The following DISP1 variants were observed in gnomAD, a reference collection of about 807,000 sequenced individuals.
The protein encoded by DISP1 is dispatched RND transporter family member 1, also known as protein dispatched homolog 1.
In DISP1, 30 loss-of-function variants were observed where a neutral mutation model predicts 37.3. The ratio of observed to expected loss-of-function variants is 0.80; its 90% CI spans 0.60 to 1.09. The LOEUF is 1.09. Among genes scored for constraint, DISP1 ranks in the 50% least tolerant of loss-of-function variants. The probability of loss-of-function intolerance (pLI) is 0.00; values close to 1 mark genes in which losing one functional copy is unlikely to be tolerated. For missense variants in DISP1, 1,598 were observed against 1,879.5 expected, an observed-to-expected ratio of 0.85 and a Z score of 2.77; for synonymous variants, 634 against 690.2, an observed-to-expected ratio of 0.92 and a Z score of 1.28.
At chr1:222,874,866 T>G (rs1669869368) in intron 1 of DISP1, among the ~76,000 whole-genome samples, 2 of 152,196 alleles carry the variant, frequency 1.3e-5, no homozygotes. Flanking sequence ...TTTTCTCCTC[T>G]GTTTTTTCCC....
intron 3 of DISP1, among the ~76,000 whole-genome samples, chr1:222,953,492 G>A (rs1224150788): frequency 2.0e-5 from 3 of 152,068 alleles, no homozygotes; most frequent in Admixed American, 6.6e-5. Context: ...TTTGCCTTCC[G>A]GAGGAGGAAA....
chr1:222,866,448 A>G (rs146195096), intron 1 of DISP1, among the ~76,000 whole-genome samples: 5,788 of 151,960 alleles, frequency 0.038, 159 homozygotes, highest in Non-Finnish European at 0.058. Flanking sequence ...AGGTTCAAGT[A>G]GTTCTCCTGC....
intron 3 of DISP1, among the ~76,000 whole-genome samples, chr1:222,966,273 T>A (rs572823992): frequency 7.2e-5 from 11 of 152,268 alleles, no homozygotes; most frequent in African/African-American, 2.4e-4. Flanking sequence ...GTATGGATTT[T>A]AAAAATAATA....
intron 3 of DISP1, among the ~76,000 whole-genome samples, chr1:222,973,464 AT>A (rs1677096312): frequency 6.6e-6 from 1 of 152,150 alleles, no homozygotes; most frequent in African/African-American, 2.4e-5. Context: ...TTGTTTTAAA[AT>A]TCTTTCCATA....
intron 3 of DISP1, among the ~76,000 whole-genome samples, chr1:222,952,160 T>G (rs1675272064): frequency 6.6e-6 from 1 of 152,212 alleles, no homozygotes; most frequent in Non-Finnish European, 1.5e-5. Context: ...ATAGCTAAAC[T>G]GCATTCTTTA....
intron 1 of DISP1, among the ~76,000 whole-genome samples, chr1:222,899,326 A>G (rs1045396914): frequency 6.6e-6 from 1 of 152,232 alleles, no homozygotes; most frequent in African/African-American, 2.4e-5. Context: ...TGTTTTCAGT[A>G]TCTGCCTGAG....
chr1:222,975,316 G>A (rs894651473), intron 3 of DISP1, among the ~76,000 whole-genome samples: 9 of 152,062 alleles, frequency 5.9e-5, no homozygotes, highest in Non-Finnish European at 7.4e-5. Flanking sequence ...GTGAGTTACC[G>A]CACCCACCTG....
intron 3 of DISP1, 60 bp from the exon 4 acceptor site, chr1:222,983,020 G>A: frequency 7.9e-7 from 1 of 1,272,714 alleles, no homozygotes; most frequent in South Asian, 1.3e-5. Context: ...CTTTGTTTAT[G>A]TTATGATGTT....
At chr1:222,941,718 A>C (rs1309577638) in intron 2 of DISP1, among the ~76,000 whole-genome samples, 3 of 152,144 alleles carry the variant, frequency 2.0e-5, no homozygotes, top group Non-Finnish European at 4.4e-5. Context: ...ACTCAGACTG[A>C]AAAAGATGAT....
chr1:222,904,660 C>T (rs2125410556), intron 1 of DISP1, among the ~76,000 whole-genome samples: 1 of 151,622 alleles, frequency 6.6e-6, no homozygotes, highest in Admixed American at 6.6e-5. Flanking sequence ...CTCTGCCTGG[C>T]AGGTTCAAGC....
rs542611624 is a variant in DISP1 at position 222,888,974 on chromosome 1, T to G, written c.-158-39456T>G. Among the ~76,000 whole-genome samples, 13 of 152,238 alleles carry G rather than the reference T, an allele frequency of 8.5e-5. No homozygotes were observed. In the South Asian group the frequency reaches 2.7e-3, roughly 32 times the overall value. ...CATAGTGATGTTTCTATACATATAA[T>G]GTATAGTGATCAATCTGATTACTTG... On this transcript the variant is annotated intron_variant, in intron 1 of 8. Transcript: ENST00000675850.
At chr1:222,991,842 T>G (rs1678718055) in intron 6 of DISP1, among the ~76,000 whole-genome samples, 171 bp from the exon 7 acceptor site, 1 of 152,216 alleles carries the variant, frequency 6.6e-6, no homozygotes, top group Non-Finnish European at 1.5e-5. Context: ...TTCTTTTTTT[T>G]TTTCTTTTTT....
At chr1:222,954,819 G>A (rs1675475861) in intron 3 of DISP1, among the ~76,000 whole-genome samples, 1 of 151,778 alleles carries the variant, frequency 6.6e-6, no homozygotes, top group Admixed American at 6.6e-5. Context: ...GACCAGCTTG[G>A]GCAACATAGT....
intron 1 of DISP1, among the ~76,000 whole-genome samples, chr1:222,833,417 G>T (rs762455854): frequency 6.6e-6 from 1 of 152,088 alleles, no homozygotes; most frequent in Non-Finnish European, 1.5e-5. Context: ...CCCCACAACC[G>T]CCCTCTAGTA....
chr1:222,859,459 C>T (rs578088816), intron 1 of DISP1, among the ~76,000 whole-genome samples: 12 of 152,248 alleles, frequency 7.9e-5, no homozygotes, highest in East Asian at 3.9e-4. Context: ...AACAAACCTG[C>T]GCATCCTGTG....
At chr1:222,948,005 C>A (rs1459212686) in intron 3 of DISP1, among the ~76,000 whole-genome samples, 1 of 152,126 alleles carries the variant, frequency 6.6e-6, no homozygotes, top group South Asian at 2.1e-4. Context: ...ATCGGAGGGG[C>A]AAAGGGAGTA....
At chr1:222,825,830 T>A (rs1473028632) in intron 1 of DISP1, among the ~76,000 whole-genome samples, 2 of 152,098 alleles carry the variant, frequency 1.3e-5, no homozygotes, top group African/African-American at 4.8e-5. Context: ...TCTAATACAT[T>A]GTTAACCCAG....
In DISP1 at chr1:222,990,725, C is replaced by T; in HGVS notation, c.640C>T (p.Pro214Ser). 2 of 1,614,038 alleles carry T rather than the reference C, an allele frequency of 1.2e-6. No individual in the cohort carries two copies. Among genetic ancestry groups the T allele is most frequent in the Middle Eastern group, 1.7e-4 (1 of 6,054 alleles). ...GGTTGGAGTATTAGTGCCAGAGCTC[C>T]CTGACTTCTCTGATCCATTGCTGGT... ...ALVGVLVPEL[P>S]DFSDPLLGFE... The change falls in exon 5 of 9, where the codon CCT (proline) becomes TCT (serine). Residue 214 changes from proline to serine, a missense_variant. Pro to Ser is a moderately conservative substitution (Grantham distance 74). Coordinates refer to ENST00000675850, the MANE Select transcript of DISP1 (RefSeq NM_001377229.1).
chr1:222,837,735 T>C (rs1056487740), intron 1 of DISP1, among the ~76,000 whole-genome samples: 21 of 152,180 alleles, frequency 1.4e-4, no homozygotes, highest in Non-Finnish European at 2.6e-4. Flanking sequence ...ACCAAAAATA[T>C]AATTTATCTA....
Sources: allele counts gnomAD v4.1 joint callset (sites outside exome capture counted in the v4.1 genomes callset), GRCh38; gene constraint gnomAD v4.1.1; transcripts MANE v1.5; gene names NCBI Gene and HGNC (gene_info 2026-07-23, HGNC 2026-07-21).